Variants in RGL1 observed in about 807,000 individuals in gnomAD.
The protein encoded by RGL1 is ral guanine nucleotide dissociation stimulator-like 1.
In RGL1, 24 loss-of-function variants were observed where a neutral mutation model predicts 95.2. That is an observed-to-expected ratio of 0.25 (90% CI 0.18 to 0.35). The LOEUF (loss-of-function observed/expected upper bound fraction) is 0.35. Ranked by LOEUF, RGL1 falls within the 10% of genes least tolerant of loss-of-function variation. The pLI is 1.00. For synonymous variants in RGL1, 329 were observed against 344.9 expected, an observed-to-expected ratio of 0.95 and a Z score of 0.51; for missense variants, 715 against 936.3, an observed-to-expected ratio of 0.76 and a Z score of 3.08.
chr1:183,879,796 T>C (rs1263300620), intron 4 of RGL1, among the ~76,000 whole-genome samples: 1 of 152,232 alleles, frequency 6.6e-6, no homozygotes, highest in Admixed American at 6.5e-5. Context: ...GCTATTTGTC[T>C]CTAGCCTTCA....
At chr1:183,778,259 C>T (rs1459394126) in intron 2 of RGL1, among the ~76,000 whole-genome samples, 1 of 152,048 alleles carries the variant, frequency 6.6e-6, no homozygotes, top group Non-Finnish European at 1.5e-5. Context: ...TGCAGCATAG[C>T]TTAGGGTTAT....
At chr1:183,694,747 G>A (rs558997856) in intron 1 of RGL1, among the ~76,000 whole-genome samples, 1 of 152,196 alleles carries the variant, frequency 6.6e-6, no homozygotes, top group Non-Finnish European at 1.5e-5. Context: ...TGACTTAATT[G>A]CATATTTAAA....
At chr1:183,665,665 G>A (rs544576828) in intron 1 of RGL1, among the ~76,000 whole-genome samples, 3 of 152,198 alleles carry the variant, frequency 2.0e-5, no homozygotes, top group South Asian at 2.1e-4. Flanking sequence ...AAATAGGTGA[G>A]CATAGATTGT....
chr1:183,677,248 C>A (rs1652888094), intron 1 of RGL1, among the ~76,000 whole-genome samples: 1 of 151,092 alleles, frequency 6.6e-6, no homozygotes, highest in South Asian at 2.1e-4. Flanking sequence ...AAAGCCACAA[C>A]TTCTCTCACT....
intron 2 of RGL1, among the ~76,000 whole-genome samples, chr1:183,772,805 C>T (rs984252035): frequency 9.9e-5 from 15 of 150,978 alleles, no homozygotes; most frequent in Non-Finnish European, 8.9e-5. Flanking sequence ...GTCAGGAGAT[C>T]GAGACCATCC....
At chr1:183,696,784 GTCTTTC>G (rs1232584419) in intron 1 of RGL1, among the ~76,000 whole-genome samples, 5 of 152,250 alleles carry the variant, frequency 3.3e-5, no homozygotes, top group African/African-American at 4.8e-5. Flanking sequence ...TGAACTTCTG[GTCTTTC>G]TCTCACATCT....
At chr1:183,752,681 T>TCTCTCTCTCTCTCTCTCC in intron 2 of RGL1, among the ~76,000 whole-genome samples, 1 of 146,102 alleles carries the variant, frequency 6.8e-6, no homozygotes, top group African/African-American at 2.6e-5. Context: ...TCTTTCTCTC[T>TCTCTCTCTCTCTCTCTCC]CTCTCTCTCT....
intron 2 of RGL1, among the ~76,000 whole-genome samples, chr1:183,755,427 GATAA>G (rs1286150218): frequency 6.6e-6 from 1 of 151,730 alleles, no homozygotes; most frequent in Non-Finnish European, 1.5e-5. Context: ...AAATTTAAAT[GATAA>G]ATAATACCTA....
intron 2 of RGL1, among the ~76,000 whole-genome samples, chr1:183,758,860 T>G (rs1558191543): frequency 6.6e-6 from 1 of 152,170 alleles, no homozygotes; most frequent in Non-Finnish European, 1.5e-5. Flanking sequence ...CTTAACTCCA[T>G]CCTATTTAAA....
intron 8 of RGL1, among the ~76,000 whole-genome samples, chr1:183,891,045 T>A (rs537106336): frequency 9.8e-5 from 15 of 152,334 alleles, no homozygotes; most frequent in Admixed American, 2.6e-4. Flanking sequence ...ATTTGTCGCT[T>A]TAAGTAGACA....
intron 3 of RGL1, among the ~76,000 whole-genome samples, chr1:183,848,086 T>G (rs1182511396): frequency 6.6e-6 from 1 of 152,224 alleles, no homozygotes; most frequent in Non-Finnish European, 1.5e-5. Flanking sequence ...AATTTTATAT[T>G]ATTCAGTAAA....
At chr1:183,667,199 A>C (rs951064049) in intron 1 of RGL1, among the ~76,000 whole-genome samples, 1 of 151,974 alleles carries the variant, frequency 6.6e-6, no homozygotes, top group African/African-American at 2.4e-5. Context: ...TATCTCTTTC[A>C]ATCTGTATGT....
chr1:183,913,290 G>A (rs1401607330), intron 15 of RGL1, among the ~76,000 whole-genome samples: 3 of 143,584 alleles, frequency 2.1e-5, no homozygotes, highest in African/African-American at 7.8e-5. Flanking sequence ...CTGTCTTCTG[G>A]GTTCAGGGGA....
chr1:183,877,887 A>G (rs1254753808), intron 4 of RGL1, among the ~76,000 whole-genome samples: 1 of 152,204 alleles, frequency 6.6e-6, no homozygotes, highest in Non-Finnish European at 1.5e-5. Flanking sequence ...GAACTCTCCT[A>G]GTTCTTCTGA....
At chr1:183,904,775 T>C (rs957415945) in intron 12 of RGL1, 75 bp from the exon 13 acceptor site, 13 of 1,449,556 alleles carry the variant, frequency 9.0e-6, no homozygotes, top group Non-Finnish European at 1.0e-5. Context: ...TATTTTCATG[T>C]TGAAAGATTC....
chr1:183,687,761 G>A (rs1042917606), intron 1 of RGL1, among the ~76,000 whole-genome samples: 1 of 152,114 alleles, frequency 6.6e-6, no homozygotes. Context: ...TTCCACTAAG[G>A]CTAACTTTGA....
intron 1 of RGL1, among the ~76,000 whole-genome samples, chr1:183,720,586 TGTCAATATTACAA>T (rs1181506755): frequency 1.3e-5 from 2 of 152,270 alleles, no homozygotes; most frequent in African/African-American, 4.8e-5. Flanking sequence ...ACTACTGACT[TGTCAATATTACAA>T]GTGTTTATTG....
intron 1 of RGL1, among the ~76,000 whole-genome samples, chr1:183,671,881 T>C (rs1225417878): frequency 6.6e-6 from 1 of 152,182 alleles, no homozygotes; most frequent in African/African-American, 2.4e-5. Context: ...TGTTTCATTA[T>C]AGATAATTTT....
intron 2 of RGL1, among the ~76,000 whole-genome samples, chr1:183,749,113 A>G (rs960895270): frequency 6.6e-5 from 10 of 152,152 alleles, no homozygotes; most frequent in Non-Finnish European, 1.2e-4. Context: ...TGGGGTGGAG[A>G]GTTCTGCAGA....
Sources: gnomAD v4.1 joint callset for allele counts (sites outside exome capture counted in the v4.1 genomes callset) on GRCh38, gnomAD v4.1.1 for gene constraint, MANE v1.5 for transcripts, NCBI Gene and HGNC (gene_info 2026-07-23, HGNC 2026-07-21) for gene names.